BBX: variants seen among roughly 807,000 people sequenced by gnomAD.
BBX encodes the protein BBX high mobility group box domain containing, also known as HMG box transcription factor BBX.
In BBX, 30 loss-of-function variants were observed where a neutral mutation model predicts 100.2. The observed-to-expected ratio is 0.30, with a 90% CI of 0.22 to 0.41. BBX has a LOEUF of 0.41. Among genes scored for constraint, BBX ranks in the 10% least tolerant of loss-of-function variants. BBX has a pLI of 1.00. For synonymous variants in BBX, 376 were observed against 388.1 expected (o/e 0.97, Z 0.37); for missense variants, 1,023 against 1,129.8 (o/e 0.91, Z 1.35).
chr3:107,788,930 T>A (rs1449353551), intron 13 of BBX, among the ~76,000 whole-genome samples: 1 of 152,182 alleles, frequency 6.6e-6, no homozygotes, highest in Non-Finnish European at 1.5e-5. Context: ...CCTTTTTCTT[T>A]TCTAAGTTAA....
intron 3 of BBX, among the ~76,000 whole-genome samples, chr3:107,680,182 C>T (rs2059497551): frequency 6.6e-6 from 1 of 152,158 alleles, no homozygotes. Context: ...TTACTGGCCA[C>T]ATGGGGCTTT....
intron 10 of BBX, among the ~76,000 whole-genome samples, chr3:107,768,977 G>C (rs529777014): frequency 8.8e-6 from 1 of 113,208 alleles, no homozygotes; most frequent in Admixed American, 1.1e-4. Flanking sequence ...AGGCAACATA[G>C]CAAGATGCCT....
intron 16 of BBX, among the ~76,000 whole-genome samples, chr3:107,798,994 C>G (rs2070089498): frequency 1.3e-5 from 2 of 151,494 alleles, no homozygotes; most frequent in Admixed American, 1.3e-4. Flanking sequence ...ACTAAAAATA[C>G]AAAAAATTAG....
intron 16 of BBX, among the ~76,000 whole-genome samples, chr3:107,799,971 G>A (rs1187154069): frequency 6.6e-6 from 1 of 152,186 alleles, no homozygotes; most frequent in Non-Finnish European, 1.5e-5. Flanking sequence ...TTTATTTTAT[G>A]TGATTTGGGT....
intron 2 of BBX, among the ~76,000 whole-genome samples, chr3:107,593,009 T>C (rs766173798): frequency 1.3e-5 from 2 of 152,254 alleles, no homozygotes; most frequent in Non-Finnish European, 2.9e-5. Context: ...AACTTTGTAC[T>C]TCTAAAAAGC....
intron 13 of BBX, among the ~76,000 whole-genome samples, chr3:107,781,164 AC>A (rs1485639556): frequency 6.6e-6 from 1 of 151,968 alleles, no homozygotes; most frequent in Admixed American, 6.6e-5. Flanking sequence ...AAGTCATAGT[AC>A]CTGCTTGGAT....
At chr3:107,645,152 T>C (rs2057441856) in intron 2 of BBX, among the ~76,000 whole-genome samples, 1 of 152,160 alleles carries the variant, frequency 6.6e-6, no homozygotes, top group Admixed American at 6.5e-5. Flanking sequence ...CAAAGAAACA[T>C]AAATGATAAC....
chr3:107,662,321 G>T (rs1468333111), intron 3 of BBX, among the ~76,000 whole-genome samples: 1 of 152,034 alleles, frequency 6.6e-6, no homozygotes, highest in Non-Finnish European at 1.5e-5. Flanking sequence ...AAGCCTTTTT[G>T]CTTCCCTGTG....
chr3:107,701,149 G>C (rs10460809), intron 3 of BBX, among the ~76,000 whole-genome samples: 43,125 of 151,974 alleles, frequency 0.28, 7,516 homozygotes, highest in East Asian at 0.91. Flanking sequence ...GGTGTGAGAT[G>C]GTATCTCGTT....
chr3:107,676,891 T>G (rs530341448), intron 3 of BBX, among the ~76,000 whole-genome samples: 1 of 152,302 alleles, frequency 6.6e-6, no homozygotes, highest in South Asian at 2.1e-4. Context: ...AGAGAAATTT[T>G]ATAAAAACAT....
At chr3:107,610,962 A>G (rs1030381843) in intron 2 of BBX, among the ~76,000 whole-genome samples, 4 of 151,780 alleles carry the variant, frequency 2.6e-5, no homozygotes, top group African/African-American at 9.7e-5. Context: ...CTTTTAGTGA[A>G]GGTGATTTTC....
intron 13 of BBX, among the ~76,000 whole-genome samples, 200 bp from the exon 14 acceptor site, chr3:107,789,587 A>G (rs1559748576): frequency 6.6e-6 from 1 of 152,192 alleles, no homozygotes; most frequent in South Asian, 2.1e-4. Context: ...TACATTTCTA[A>G]GGAAAATCTC....
At chr3:107,757,197 G>GT (rs948608477) in intron 10 of BBX, among the ~76,000 whole-genome samples, 55 of 150,844 alleles carry the variant, frequency 3.6e-4, no homozygotes, top group Middle Eastern at 6.8e-3. Context: ...CCTTTAAACA[G>GT]TTTTTTTTTG....
At chr3:107,599,954 A>G (rs952796249) in intron 2 of BBX, among the ~76,000 whole-genome samples, 1 of 152,166 alleles carries the variant, frequency 6.6e-6, no homozygotes, top group Non-Finnish European at 1.5e-5. Context: ...TAGAAGCTTC[A>G]GATTCATGAG....
At chr3:107,610,067 T>C (rs1022808966) in intron 2 of BBX, among the ~76,000 whole-genome samples, 2 of 152,064 alleles carry the variant, frequency 1.3e-5, no homozygotes, top group African/African-American at 4.8e-5. Context: ...TGTTTGTTTG[T>C]ATATGTTTCC....
chr3:107,763,553 G>A (rs565577127), intron 10 of BBX, among the ~76,000 whole-genome samples: 24 of 152,298 alleles, frequency 1.6e-4, no homozygotes, highest in Admixed American at 4.6e-4. Context: ...AACAAACTGA[G>A]CCTAAGGTAT....
intron 2 of BBX, among the ~76,000 whole-genome samples, chr3:107,603,486 C>G (rs1218420350): frequency 1.3e-5 from 2 of 152,260 alleles, no homozygotes; most frequent in East Asian, 3.9e-4. Flanking sequence ...TCAAGTGATT[C>G]TCCTGCCTCA....
At position 107,801,115 on chromosome 3, in the gene BBX, C is replaced by T; in HGVS notation, c.2572C>T (p.Leu858=). ...TACAGATGACAAACCAAAGGAACAA[C>T]TGCAGAGGAGTCTCCCTAAAGCAAC... ...GTLDDKPKEQ[L]QRSLPKATET... Residue 858 remains leucine (L), a synonymous_variant, in exon 17 of 18, where the codon CTG becomes TTG. Transcript: ENST00000325805. 2 of 1,614,140 alleles carry T rather than the reference C, an allele frequency of 1.2e-6. No individual in the cohort carries two copies. Among genetic ancestry groups the T allele is most frequent in the Non-Finnish European group, 1.7e-6 (2 of 1,179,986 alleles).
At chr3:107,575,037 A>G (rs967343991) in intron 2 of BBX, among the ~76,000 whole-genome samples, 3 of 152,232 alleles carry the variant, frequency 2.0e-5, no homozygotes, top group African/African-American at 7.2e-5. Flanking sequence ...AAAAGGTGGC[A>G]ATTATGCAAC....
Sources: gnomAD v4.1 joint callset for allele counts (sites outside exome capture counted in the v4.1 genomes callset) on GRCh38, gnomAD v4.1.1 for gene constraint, MANE v1.5 for transcripts, NCBI Gene and HGNC (gene_info 2026-07-23, HGNC 2026-07-21) for gene names.